The following MFAP3L variants were observed in gnomAD, a reference collection of about 807,000 sequenced individuals.
MFAP3L encodes the protein microfibril associated protein 3 like.
Under a neutral mutation model 20.0 loss-of-function variants are expected in MFAP3L, and 5 were observed. That is an observed-to-expected ratio of 0.25 (90% CI 0.13 to 0.53). The LOEUF (loss-of-function observed/expected upper bound fraction) is 0.53. MFAP3L is among the 20% of genes least tolerant of loss of function. MFAP3L has a pLI of 0.96. For missense variants in MFAP3L, 409 were observed against 527.5 expected, an observed-to-expected ratio of 0.78 and a Z score of 2.20; for synonymous variants, 219 against 213.0, an observed-to-expected ratio of 1.03 and a Z score of -0.25.
chr4:169,994,664 T>G (rs1738003414), intron 2 of MFAP3L: 1 of 576,888 alleles, frequency 1.7e-6, no homozygotes, highest in Admixed American at 6.3e-5. Flanking sequence ...ACATTTCTTG[T>G]GACATTGTTA....
intron 1 of MFAP3L, among the ~76,000 whole-genome samples, chr4:170,024,729 C>T (rs1237071760): frequency 6.6e-6 from 1 of 152,036 alleles, no homozygotes; most frequent in Non-Finnish European, 1.5e-5. Context: ...CAAGCCTTTC[C>T]TATTATTAAA....
At chr4:170,018,167 A>C (rs1414226103) in intron 1 of MFAP3L, among the ~76,000 whole-genome samples, 2 of 152,204 alleles carry the variant, frequency 1.3e-5, no homozygotes, top group African/African-American at 4.8e-5. Context: ...AAGGTAACAG[A>C]ATGTTCCCTG....
intron 1 of MFAP3L, among the ~76,000 whole-genome samples, chr4:170,008,991 G>A (rs1374515476): frequency 6.6e-6 from 1 of 152,204 alleles, no homozygotes; most frequent in Non-Finnish European, 1.5e-5. Context: ...TGTGTTGCCT[G>A]AAGAACATAA....
chr4:170,005,564 C>A lies in MFAP3L; in HGVS notation c.298+16G>T, dbSNP rs1218895034. The A allele has an allele frequency of 1.2e-6, 2 of 1,608,272 alleles. No homozygotes were observed. Among genetic ancestry groups the A allele is most frequent in the East Asian group, 4.5e-5 (2 of 44,780 alleles). On this transcript the variant is annotated intron_variant, in intron 2 of 2. Transcript: ENST00000361618. ...TTATATTTTATTATGACATTTGATACAACTTTAAAGCCTACCTCCTCCTCT... is the reference window on the plus strand; with the variant it reads ...TTATATTTTATTATGACATTTGATAAAACTTTAAAGCCTACCTCCTCCTCT...
intron 2 of MFAP3L, chr4:169,997,683 G>A: frequency 1.0e-6 from 1 of 983,268 alleles, no homozygotes; most frequent in Non-Finnish European, 1.2e-6. Flanking sequence ...GAAAGTGACG[G>A]CTGCCTGGCT....
Position 169,991,681 on chromosome 4 carries a change from G to C in MFAP3L, c.927C>G (p.His309Gln). 1 of 1,614,158 alleles carries C rather than the reference G, an allele frequency of 6.2e-7. No individual in the cohort carries two copies. Among genetic ancestry groups the C allele is most frequent in the Non-Finnish European group, 8.5e-7 (1 of 1,180,040 alleles). Residue 309 changes from histidine (H) to glutamine (Q), a missense_variant, in exon 3 of 3, where the codon CAC (histidine) becomes CAG (glutamine). Physicochemically the swap from His to Gln is conservative, Grantham distance 24 (BLOSUM62 0). Coordinates refer to ENST00000361618, the MANE Select transcript of MFAP3L (RefSeq NM_021647.8). This position sits in a 1 kb window ranked among gnomAD's most constrained non-coding sequence, Gnocchi z 4.9. ...PAADSDASSL[H>Q]EQPQQIAIKV... ...TGATGGCAATTTGCTGAGGTTGCTCGTGCAGCGATGAGGCGTCCGAGTCAG... is the reference window on the plus strand; with the variant it reads ...TGATGGCAATTTGCTGAGGTTGCTCCTGCAGCGATGAGGCGTCCGAGTCAG...
intron 2 of MFAP3L, chr4:170,002,364 T>C (rs1373237249): frequency 4.5e-5 from 24 of 530,002 alleles, no homozygotes; most frequent in Admixed American, 3.2e-4. Context: ...TAGGGCTTAT[T>C]ATAAGGATTA....
rs546165066 is a variant in MFAP3L at position 169,995,912 on chromosome 4, C to T, written c.299-3603G>A. 6.6e-5 allele frequency among the ~76,000 whole-genome samples: 10 copies of T among 152,242 alleles called. No homozygotes were observed. In the South Asian group the frequency reaches 1.9e-3, roughly 28 times the overall value. Reference sequence around the variant, plus strand: ...GAAGAAACAACATAGGCAGCCATCTCGCCATAACCTTCTGAATAGAAAAGA... The same window carrying T: ...GAAGAAACAACATAGGCAGCCATCTTGCCATAACCTTCTGAATAGAAAAGA... On this transcript the variant is annotated intron_variant, in intron 2 of 2. Coordinates refer to ENST00000361618, the MANE Select transcript of MFAP3L (RefSeq NM_021647.8).
chr4:170,019,294 T>A (rs1043484454), intron 1 of MFAP3L, among the ~76,000 whole-genome samples: 1 of 152,194 alleles, frequency 6.6e-6, no homozygotes, highest in Non-Finnish European at 1.5e-5. Flanking sequence ...ATGTCTGTAA[T>A]CCCAGCACTT....
At chr4:170,022,854 C>T (rs2111082085) in intron 1 of MFAP3L, among the ~76,000 whole-genome samples, 1 of 152,290 alleles carries the variant, frequency 6.6e-6, no homozygotes, top group African/African-American at 2.4e-5. Flanking sequence ...AGGAACAAGG[C>T]CCTGCAGAGT....
chr4:170,025,995 A>G lies in MFAP3L; in HGVS notation c.-134+239T>C, dbSNP rs532629270. Among the ~76,000 whole-genome samples the G allele has an allele frequency of 4.6e-5, 7 of 152,076 alleles. No homozygotes were observed. In the South Asian group the frequency reaches 1.5e-3, roughly 32 times the overall value. The stretch of plus-strand genomic sequence containing the variant: ...CGGAAGGTTACGGTTCGAGCCCAGG[A>G]TGCGGCAGTCCCCAAACGGCCAGCC... On this transcript the variant is annotated intron_variant, in intron 1 of 2. Coordinates refer to ENST00000361618, the MANE Select transcript of MFAP3L (RefSeq NM_021647.8).
intron 2 of MFAP3L, among the ~76,000 whole-genome samples, chr4:169,998,913 G>A (rs1216868325): frequency 6.6e-6 from 1 of 152,196 alleles, no homozygotes; most frequent in African/African-American, 2.4e-5. Context: ...TTATTCAAAC[G>A]AGGATTGCGT....
chr4:169,990,515 G>C lies in MFAP3L; in HGVS notation c.*863C>G, dbSNP rs1737582536. 6.6e-6 allele frequency: 1 copy of C among 152,614 alleles called. No individual in the cohort carries two copies. Among genetic ancestry groups the C allele is most frequent in the African/African-American group, 2.4e-5 (1 of 41,448 alleles). 9.5% of individuals were successfully genotyped at this position (152,614 alleles called of 1,614,324 possible). ...TGGAGGATGATGTAACTTAAACAGT[G>C]ACTTTCATGGGTGGTGTGGGTATAT... is the stretch of plus-strand genomic sequence containing the variant. On this transcript the variant is annotated 3_prime_UTR_variant, in exon 3 of 3. Coordinates refer to ENST00000361618, the MANE Select transcript of MFAP3L (RefSeq NM_021647.8).
intron 2 of MFAP3L, among the ~76,000 whole-genome samples, chr4:170,004,258 TAGC>T (rs61436547): frequency 0.057 from 8,616 of 152,152 alleles, 800 homozygotes; most frequent in African/African-American, 0.19. Flanking sequence ...CACTTAATAA[TAGC>T]AGGACTTTGG....
chr4:170,016,230 T>C (rs1028535840), intron 1 of MFAP3L, among the ~76,000 whole-genome samples: 4 of 152,176 alleles, frequency 2.6e-5, no homozygotes, highest in Non-Finnish European at 5.9e-5. Context: ...CGTCATTCAG[T>C]GTAAAAGCCA....
chr4:169,991,285 C>T lies in MFAP3L; in HGVS notation c.*93G>A. 7.5e-7 allele frequency: 1 copy of T among 1,331,294 alleles called. No homozygotes were observed. Among genetic ancestry groups the T allele is most frequent in the South Asian group, 1.4e-5 (1 of 70,568 alleles). 82.5% of individuals were successfully genotyped at this position (1,331,294 alleles called of 1,614,324 possible). A position where few individuals can be genotyped will look rare whatever the true frequency, so the allele number is the denominator to read the frequency against. On this transcript the variant is annotated 3_prime_UTR_variant, in exon 3 of 3. Transcript: ENST00000361618. The surrounding 1 kb of genome is among the most constrained non-coding windows in gnomAD (Gnocchi z 4.9). ...ACTCCTACCTAAGGGATGAGAGTCT[C>T]CTGGTAAGGCTTAGCGGCAAGTGCG...
chr4:169,992,442 G>A lies in MFAP3L; in HGVS notation c.299-133C>T. 2 of 755,040 alleles carry A rather than the reference G, an allele frequency of 2.6e-6. No homozygotes were observed. The highest frequency in any genetic ancestry group is 2.6e-5 in the East Asian group (1 of 37,974). The allele number at this position is 755,040 out of a possible 1,614,324, so 46.8% of individuals were successfully genotyped here. ...AAGTCTATGAACGTCGACTTCACAT[G>A]CTTACTATGCGGCAGGCAGTGACAT... is the stretch of plus-strand genomic sequence containing the variant. On this transcript the variant is annotated intron_variant, in intron 2 of 2. Coordinates refer to ENST00000361618, the MANE Select transcript of MFAP3L (RefSeq NM_021647.8). This position sits in a 1 kb window ranked among gnomAD's most constrained non-coding sequence, Gnocchi z 4.3.
chr4:170,019,323 G>C (rs904527151), intron 1 of MFAP3L, among the ~76,000 whole-genome samples: 1 of 152,220 alleles, frequency 6.6e-6, no homozygotes, highest in African/African-American at 2.4e-5. Flanking sequence ...AGAGTCTGGA[G>C]ATAGCTTGAG....
chr4:170,009,827 T>C (rs181279698), intron 1 of MFAP3L, among the ~76,000 whole-genome samples: 1 of 152,230 alleles, frequency 6.6e-6, no homozygotes, highest in Non-Finnish European at 1.5e-5. Context: ...CTGTTGCCCA[T>C]GTATTTCTGG....
Sources: gnomAD v4.1 joint callset for allele counts (sites outside exome capture counted in the v4.1 genomes callset) on GRCh38, gnomAD v4.1.1 for gene constraint, Gnocchi (gnomAD v3.1) non-coding constraint, MANE v1.5 for transcripts, NCBI Gene and HGNC (gene_info 2026-07-23, HGNC 2026-07-21) for gene names.